Variants in DYNC1LI1 observed in about 807,000 individuals in gnomAD.
The protein encoded by DYNC1LI1 is cytoplasmic dynein 1 light intermediate chain 1.
A neutral mutation model predicts 63.8 loss-of-function variants in DYNC1LI1; 19 were observed. The observed-to-expected ratio is 0.30, with a 90% CI of 0.21 to 0.44. DYNC1LI1 has a LOEUF of 0.44. DYNC1LI1 is among the 20% of genes least tolerant of loss of function. The probability of loss-of-function intolerance (pLI) is 1.00; values close to 1 mark genes in which losing one functional copy is unlikely to be tolerated. For synonymous variants in DYNC1LI1, 225 were observed against 232.3 expected (o/e 0.97, Z 0.28); for missense variants, 565 against 630.2 (o/e 0.90, Z 1.11).
At chr3:32,560,113 T>C (rs1698169444) in intron 2 of DYNC1LI1, among the ~76,000 whole-genome samples, 1 of 152,162 alleles carries the variant, frequency 6.6e-6, no homozygotes. Context: ...GGGGTGCCTG[T>C]AGAGCGAAAA....
At chr3:32,562,129 T>C (rs1267788153) in intron 2 of DYNC1LI1, among the ~76,000 whole-genome samples, 1 of 151,742 alleles carries the variant, frequency 6.6e-6, no homozygotes, top group African/African-American at 2.4e-5. Flanking sequence ...ATTAGCCAGG[T>C]ATGGTGTCCT....
At chr3:32,570,305 C>G in intron 2 of DYNC1LI1, 41 bp downstream of exon 2, 2 of 1,508,842 alleles carry the variant, frequency 1.3e-6, no homozygotes, top group Non-Finnish European at 1.8e-6. Context: ...CCCCGGGCCG[C>G]TGGGGGCCGG....
At chr3:32,566,613 C>CT (rs1277091019) in intron 2 of DYNC1LI1, 3 of 329,342 alleles carry the variant, frequency 9.1e-6, no homozygotes, top group African/African-American at 6.8e-5. Context: ...TGGCACATGC[C>CT]TGTAATCCCA....
chr3:32,551,741 A>G (rs970039251), intron 2 of DYNC1LI1, among the ~76,000 whole-genome samples: 4 of 152,166 alleles, frequency 2.6e-5, no homozygotes, highest in African/African-American at 9.7e-5. Flanking sequence ...GTCAGAGAAG[A>G]CTGCCTGGCT....
At chr3:32,533,473 G>A (rs1697729349) in intron 7 of DYNC1LI1, among the ~76,000 whole-genome samples, 1 of 151,782 alleles carries the variant, frequency 6.6e-6, no homozygotes. Flanking sequence ...GTGAGACCCT[G>A]TCTCAAAAAA....
At chr3:32,527,399 T>G (rs559191304) in intron 12 of DYNC1LI1, among the ~76,000 whole-genome samples, 1 of 151,078 alleles carries the variant, frequency 6.6e-6, no homozygotes, top group Non-Finnish European at 1.5e-5. Context: ...TCATTTAATC[T>G]CATAAAGGTT....
In DYNC1LI1 at chr3:32,534,615, T is replaced by C. The variant is rs1697750248; in HGVS notation, c.864A>G (p.Lys288=). ...YGAALIYTSV[K]ENKNIDLVYK... is the part of the protein sequence containing the mutation. ...ATACTAAGTCTATATTTTTGTTTTC[T>C]TTTACTGAAGTGTAAATAAGTGCTG... is the stretch of plus-strand genomic sequence containing the variant. The change falls in exon 7 of 13, where the codon AAA becomes AAG. Residue 288 remains lysine, a synonymous_variant. Coordinates refer to ENST00000273130, the MANE Select transcript of DYNC1LI1 (RefSeq NM_016141.4). 1.3e-6 allele frequency: 2 copies of C among 1,598,532 alleles called. No homozygotes were observed. The highest frequency in any genetic ancestry group is 1.7e-6 in the Non-Finnish European group (2 of 1,171,420).
At chr3:32,546,365 G>A (rs1218909546) in intron 2 of DYNC1LI1, among the ~76,000 whole-genome samples, 1 of 151,990 alleles carries the variant, frequency 6.6e-6, no homozygotes, top group Non-Finnish European at 1.5e-5. Flanking sequence ...CCAAGATTGT[G>A]CCACTGTACT....
rs1424285733 is a variant in DYNC1LI1 at position 32,529,439 on chromosome 3, T to C, written c.1306+101A>G. On this transcript the variant is annotated intron_variant, in intron 11 of 12. Coordinates refer to ENST00000273130, the MANE Select transcript of DYNC1LI1 (RefSeq NM_016141.4). ...CATAGAGACAAAGCCTAAAAGGTATTACACAAGAATGAAAATAGTTATGGC... is the reference window on the plus strand; with the variant it reads ...CATAGAGACAAAGCCTAAAAGGTATCACACAAGAATGAAAATAGTTATGGC... 3.4e-6 allele frequency: 4 copies of C among 1,164,048 alleles called. No homozygotes were observed. In the Admixed American group the frequency reaches 1.0e-4, roughly 30 times the overall value. 72.1% of individuals were successfully genotyped at this position (1,164,048 alleles called of 1,614,324 possible).
At chr3:32,557,778 C>T (rs1290105915) in intron 2 of DYNC1LI1, among the ~76,000 whole-genome samples, 2 of 152,162 alleles carry the variant, frequency 1.3e-5, no homozygotes, top group African/African-American at 4.8e-5. Context: ...TACCTATCTT[C>T]AGTTCCTTGG....
intron 2 of DYNC1LI1, among the ~76,000 whole-genome samples, chr3:32,554,534 G>T (rs1032614622): frequency 4.6e-5 from 7 of 152,118 alleles, no homozygotes; most frequent in Admixed American, 4.6e-4. Context: ...TCTTACAAAT[G>T]GGGAAACTGA....
At chr3:32,567,438 G>A (rs1262332258) in intron 2 of DYNC1LI1, among the ~76,000 whole-genome samples, 1 of 152,130 alleles carries the variant, frequency 6.6e-6, no homozygotes, top group Non-Finnish European at 1.5e-5. Context: ...TGTGTTGTGA[G>A]GGGAGTACTT....
Position 32,528,906 on chromosome 3 carries a change from T to C in DYNC1LI1, c.1307-305A>G, listed in dbSNP as rs886833618. Among the ~76,000 whole-genome samples, 19 of 152,300 alleles carry C rather than the reference T, an allele frequency of 1.2e-4. No homozygotes were observed. The South Asian group carries it at 1.9e-3, about 15-fold the overall frequency. On this transcript the variant is annotated intron_variant, in intron 11 of 12. Transcript: ENST00000273130. The stretch of plus-strand genomic sequence containing the variant: ...AAAGGATTCTTTAAAAATAGAACTG[T>C]TGAGAAACTGCCTCAAGTATTAGGA...
chr3:32,568,507 G>T (rs891303238), intron 2 of DYNC1LI1, among the ~76,000 whole-genome samples: 1 of 151,992 alleles, frequency 6.6e-6, no homozygotes, highest in Non-Finnish European at 1.5e-5. Context: ...GAACTATTAA[G>T]TTCATAAAAA....
At chr3:32,557,940 C>T (rs891783528) in intron 2 of DYNC1LI1, among the ~76,000 whole-genome samples, 13 of 152,148 alleles carry the variant, frequency 8.5e-5, no homozygotes, top group African/African-American at 3.1e-4. Context: ...GGTGATGATG[C>T]TAAAATTATT....
In DYNC1LI1 at chr3:32,534,683, G is replaced by C. The variant is rs192375768; in HGVS notation, c.833-37C>G. ...GGTTAAAGAAAAATTCTGGACAAAT[G>C]TCATGAGCAAATACCATAAAATTCT... On this transcript the variant is annotated intron_variant, in intron 6 of 12. Coordinates refer to ENST00000273130, the MANE Select transcript of DYNC1LI1 (RefSeq NM_016141.4). 67 of 1,493,252 alleles carry C rather than the reference G, an allele frequency of 4.5e-5. No homozygotes were observed. The Admixed American group carries it at 1.2e-3, about 26-fold the overall frequency. The allele number at this position is 1,493,252 out of a possible 1,614,324, so 92.5% of individuals were successfully genotyped here.
rs1198713618 is a variant in DYNC1LI1, at chr3:32,546,757, C to T, written c.221-792G>A. On this transcript the variant is annotated intron_variant, in intron 2 of 12. Coordinates refer to ENST00000273130, the MANE Select transcript of DYNC1LI1 (RefSeq NM_016141.4). Reference sequence around the variant, plus strand: ...GTACATCAGGACAGGGAACTGTGACCTTTAGCAGAACCATGAAGCCATAAT... The same window carrying T: ...GTACATCAGGACAGGGAACTGTGACTTTTAGCAGAACCATGAAGCCATAAT... Among the ~76,000 whole-genome samples the T allele has an allele frequency of 6.6e-5, 10 of 152,112 alleles. No homozygotes were observed. In the East Asian group the frequency reaches 1.9e-3, roughly 29 times the overall value.
At chr3:32,560,396 G>C (rs954591594) in intron 2 of DYNC1LI1, among the ~76,000 whole-genome samples, 28 of 152,286 alleles carry the variant, frequency 1.8e-4, no homozygotes, top group African/African-American at 6.7e-4. Context: ...TCGTGCCACT[G>C]CACTCCAGCC....
chr3:32,539,847 A>C (rs950558585), intron 5 of DYNC1LI1, among the ~76,000 whole-genome samples: 1 of 141,040 alleles, frequency 7.1e-6, no homozygotes, highest in Non-Finnish European at 1.5e-5. Flanking sequence ...TCTATTAATT[A>C]TTTTTATTTA....
Sources: allele counts gnomAD v4.1 joint callset (sites outside exome capture counted in the v4.1 genomes callset), GRCh38; gene constraint gnomAD v4.1.1; transcripts MANE v1.5; gene names NCBI Gene and HGNC (gene_info 2026-07-23, HGNC 2026-07-21).